Variants in ALG13 observed in about 807,000 individuals in gnomAD.
The protein encoded by ALG13 is UDP-N-acetylglucosamine transferase subunit ALG13.
In ALG13, 11 loss-of-function variants were observed where a neutral mutation model predicts 87.8. The observed-to-expected ratio is 0.13, with a 90% CI of 0.08 to 0.21. ALG13 has a LOEUF of 0.21. ALG13 is among the 10% of genes least tolerant of loss of function. The pLI, the probability that ALG13 is intolerant of heterozygous loss-of-function variation, is 1.00. For synonymous variants in ALG13, 320 were observed against 306.3 expected (o/e 1.04, Z -0.47); for missense variants, 756 against 866.1 (o/e 0.87, Z 1.60).
intron 19 of ALG13, 121 bp downstream of exon 19, chrX:111,728,426 GA>G (rs1337967092): frequency 1.2e-5 from 10 of 807,060 alleles, no homozygotes; most frequent in Non-Finnish European, 1.7e-5. Context: ...AGTTCTGAAA[GA>G]TTTATATAAG....
Position 111,685,026 on chromosome X carries a change from A to G in ALG13, c.306A>G (p.Glu102=), listed in dbSNP as rs750147782. ...AGCCACTCGTAGTGGTTATAAACGA[A>G]AAGTTGATGAACAATCATCAGCTGG... is the stretch of plus-strand genomic sequence containing the variant. ...KGKPLVVVIN[E]KLMNNHQLEL... The change falls in exon 3 of 27, where the codon GAA becomes GAG. Residue 102 remains glutamate, a synonymous_variant. Transcript: ENST00000394780. 2 of 1,209,182 alleles carry G rather than the reference A, an allele frequency of 1.7e-6. No individual in the cohort carries two copies. Among genetic ancestry groups the G allele is most frequent in the East Asian group, 5.9e-5 (2 of 33,745 alleles).
chrX:111,749,953 A>G (rs749896645), intron 24 of ALG13, among the ~76,000 whole-genome samples: 17 of 111,487 alleles, frequency 1.5e-4, no homozygotes, highest in Non-Finnish European at 2.8e-4. Context: ...CTCTGGTACT[A>G]TTCCACTTTG....
intron 5 of ALG13, among the ~76,000 whole-genome samples, chrX:111,709,531 A>C (rs928417998): frequency 4.5e-5 from 5 of 111,991 alleles, no homozygotes; most frequent in African/African-American, 1.6e-4. Context: ...TAAGGGAACA[A>C]ATGAGTCTAA....
chrX:111,691,465 G>A (rs1251012736), intron 3 of ALG13, among the ~76,000 whole-genome samples: 1 of 112,195 alleles, frequency 8.9e-6, no homozygotes, highest in African/African-American at 3.2e-5. Context: ...CTAGTGCTTA[G>A]TATGTATCAG....
chrX:111,700,751 A>ATTTTTTTTTT (rs772630509), intron 3 of ALG13, among the ~76,000 whole-genome samples: 2 of 50,698 alleles, frequency 3.9e-5, no homozygotes, highest in African/African-American at 1.3e-4. Flanking sequence ...TAATTTTTGT[A>ATTTTTTTTTT]TTTTTTTTTT....
intron 23 of ALG13, among the ~76,000 whole-genome samples, chrX:111,741,688 C>T (rs1943750817): frequency 9.1e-6 from 1 of 110,214 alleles, no homozygotes; most frequent in Non-Finnish European, 1.9e-5. Flanking sequence ...TGGCACATGC[C>T]TGTAATCCCA....
intron 19 of ALG13, among the ~76,000 whole-genome samples, chrX:111,729,184 A>AATCGTATAC (rs1942403492): frequency 9.0e-6 from 1 of 111,180 alleles, no homozygotes; most frequent in East Asian, 2.8e-4. Context: ...TTATAATTGG[A>AATCGTATAC]ATCGTATACA....
chrX:111,731,880 A>C (rs1942733282), intron 21 of ALG13, among the ~76,000 whole-genome samples: 2 of 111,789 alleles, frequency 1.8e-5, no homozygotes, highest in Admixed American at 1.9e-4. Context: ...TTTTTCTACA[A>C]GCCATTTTGT....
intron 3 of ALG13, chrX:111,686,211 C>G: frequency 1.0e-6 from 1 of 1,000,577 alleles, no homozygotes; most frequent in African/African-American, 1.9e-5. Flanking sequence ...TAAAACCTAT[C>G]CTAGTTTGAT....
At chrX:111,720,747 C>T (rs769295307) in intron 11 of ALG13, among the ~76,000 whole-genome samples, 1 of 111,421 alleles carries the variant, frequency 9.0e-6, no homozygotes, top group South Asian at 3.7e-4. Flanking sequence ...GAAATTTTAA[C>T]AGGATTTGAC....
chrX:111,730,187 G>A (rs1454427197), intron 19 of ALG13, among the ~76,000 whole-genome samples: 1 of 112,284 alleles, frequency 8.9e-6, no homozygotes, highest in African/African-American at 3.2e-5. Context: ...ATTTTCAGAG[G>A]AGAAATTTGT....
intron 5 of ALG13, chrX:111,710,976 C>T (rs974931058): frequency 4.5e-5 from 5 of 112,175 alleles, no homozygotes; most frequent in Non-Finnish European, 7.5e-5. Flanking sequence ...GGATTACAGG[C>T]GTGAGCCACA....
At chrX:111,684,733 A>G (rs1418301503) in intron 2 of ALG13, among the ~76,000 whole-genome samples, 1 of 112,486 alleles carries the variant, frequency 8.9e-6, no homozygotes, top group Non-Finnish European at 1.9e-5. Flanking sequence ...ATCATAGGCC[A>G]TAATGTCATC....
intron 3 of ALG13, chrX:111,688,044 C>T: frequency 9.4e-7 from 1 of 1,065,360 alleles, no homozygotes; most frequent in Non-Finnish European, 1.2e-6. Flanking sequence ...CCAAATTCAA[C>T]CTATGTAATG....
At chrX:111,718,575 A>T (rs1258186987) in intron 10 of ALG13, among the ~76,000 whole-genome samples, 1 of 112,019 alleles carries the variant, frequency 8.9e-6, no homozygotes, top group East Asian at 2.8e-4. Flanking sequence ...TTAGAAAGGC[A>T]GGTTCCTGGG....
chrX:111,736,629 T>A, intron 22 of ALG13, 85 bp from the exon 23 acceptor site: 1 of 888,611 alleles, frequency 1.1e-6, no homozygotes, highest in Non-Finnish European at 1.6e-6. Flanking sequence ...CTAAACTAAT[T>A]ACTATTTTCT....
At chrX:111,759,118 A>G (rs753939160) in intron 26 of ALG13, among the ~76,000 whole-genome samples, 4 of 107,596 alleles carry the variant, frequency 3.7e-5, no homozygotes, top group Non-Finnish European at 7.6e-5. Flanking sequence ...TTAATTTCAC[A>G]GAGTTAATCT....
chrX:111,759,670 G>T, intron 26 of ALG13, 64 bp from the exon 27 acceptor site: 1 of 960,960 alleles, frequency 1.0e-6, no homozygotes, highest in South Asian at 2.4e-5. Flanking sequence ...CATTTATGTT[G>T]CATGGGGTTC....
intron 5 of ALG13, among the ~76,000 whole-genome samples, chrX:111,709,439 G>T (rs1367614180): frequency 8.9e-6 from 1 of 111,801 alleles, no homozygotes; most frequent in East Asian, 2.8e-4. Flanking sequence ...GTAAAAATGG[G>T]AACCCCCTCT....
Sources: allele counts gnomAD v4.1 joint callset (sites outside exome capture counted in the v4.1 genomes callset), GRCh38; gene constraint gnomAD v4.1.1; transcripts MANE v1.5; gene names NCBI Gene and HGNC (gene_info 2026-07-23, HGNC 2026-07-21).